GRIN2B: variants seen among roughly 807,000 people sequenced by gnomAD.
GRIN2B encodes glutamate ionotropic receptor NMDA type subunit 2B, also known as glutamate receptor ionotropic, NMDA 2B.
Under a neutral mutation model 114.5 loss-of-function variants are expected in GRIN2B, and 5 were observed. The observed-to-expected ratio is 0.04, with a 90% CI of 0.02 to 0.09. The LOEUF is 0.09. GRIN2B is among the 10% of genes least tolerant of loss of function. The pLI, the probability that GRIN2B is intolerant of heterozygous loss-of-function variation, is 1.00. For missense variants in GRIN2B, 1,108 were observed against 1,943.5 expected (o/e 0.57, Z 8.08); for synonymous variants, 787 against 745.1 (o/e 1.06, Z -0.92).
chr12:13,723,932 C>A (rs1842106927), intron 4 of GRIN2B, among the ~76,000 whole-genome samples: 1 of 152,084 alleles, frequency 6.6e-6, no homozygotes, highest in Non-Finnish European at 1.5e-5. Flanking sequence ...AGACTAAATG[C>A]ATAACCTTGG....
intron 4 of GRIN2B, among the ~76,000 whole-genome samples, chr12:13,728,602 C>T (rs1355368323): frequency 6.6e-6 from 1 of 152,084 alleles, no homozygotes; most frequent in African/African-American, 2.4e-5. Flanking sequence ...GCAATTCACA[C>T]CCTCTTTGTG....
chr12:13,904,807 G>T (rs1866511851), intron 2 of GRIN2B, among the ~76,000 whole-genome samples: 1 of 152,022 alleles, frequency 6.6e-6, no homozygotes, highest in Non-Finnish European at 1.5e-5. Context: ...GAAGTCAGGA[G>T]TTCATCTGCC....
At chr12:13,849,075 C>A (rs1865515563) in intron 3 of GRIN2B, among the ~76,000 whole-genome samples, 1 of 152,134 alleles carries the variant, frequency 6.6e-6, no homozygotes, top group African/African-American at 2.4e-5. Context: ...CCAATTTGTT[C>A]TTGGAGAACA....
At chr12:13,653,407 C>T (rs539393359) in intron 5 of GRIN2B, among the ~76,000 whole-genome samples, 2 of 152,060 alleles carry the variant, frequency 1.3e-5, no homozygotes, top group East Asian at 3.9e-4. Context: ...AAAGGCATTA[C>T]TTTTAGACAG....
intron 3 of GRIN2B, among the ~76,000 whole-genome samples, chr12:13,815,709 T>C (rs1864810012): frequency 1.3e-5 from 2 of 152,228 alleles, no homozygotes; most frequent in Non-Finnish European, 2.9e-5. Context: ...TTGCCTGGTG[T>C]TGCTCATGGA....
chr12:13,875,881 C>G (rs1241603046), intron 2 of GRIN2B, among the ~76,000 whole-genome samples: 1 of 152,116 alleles, frequency 6.6e-6, no homozygotes, highest in Non-Finnish European at 1.5e-5. Flanking sequence ...GGCCAGGGAA[C>G]CTGCTAGGAG....
At chr12:13,909,197 C>T (rs1458226734) in intron 2 of GRIN2B, among the ~76,000 whole-genome samples, 2 of 152,192 alleles carry the variant, frequency 1.3e-5, no homozygotes, top group Non-Finnish European at 2.9e-5. Flanking sequence ...TTACAGAGGG[C>T]TTCATTTAAA....
chr12:13,937,677 G>GA (rs1867153771), intron 2 of GRIN2B, among the ~76,000 whole-genome samples: 1 of 151,980 alleles, frequency 6.6e-6, no homozygotes, highest in African/African-American at 2.4e-5. Flanking sequence ...ACTGAAAATG[G>GA]AAAATAAATG....
chr12:13,553,680 G>A lies in GRIN2B; in HGVS notation c.*9103C>T, dbSNP rs1402192998. The A allele has an allele frequency of 6.6e-6, 1 of 152,190 alleles. No individual in the cohort carries two copies. The highest frequency in any genetic ancestry group is 2.4e-5 in the African/African-American group (1 of 41,448). The allele number at this position is 152,190 out of a possible 1,614,324, so 9.4% of individuals were successfully genotyped here. On this transcript the variant is annotated 3_prime_UTR_variant, in exon 14 of 14. Coordinates refer to ENST00000609686, the MANE Select transcript of GRIN2B (RefSeq NM_000834.5). ...TTTTGGTGCTGAAAGTGTTAAAAAA[G>A]AAGCTAAATATTGGATCACAGATCA...
chr12:13,878,063 CAAAAAAAAAAAAAAAA>C (rs71067735), intron 2 of GRIN2B, among the ~76,000 whole-genome samples: 2 of 73,234 alleles, frequency 2.7e-5, no homozygotes, highest in African/African-American at 5.5e-5. Flanking sequence ...GACTCTGTCT[CAAAAAAAAAAAAAAAA>C]AAAAAAAAAT....
chr12:13,832,986 CA>C (rs1258490507), intron 3 of GRIN2B, among the ~76,000 whole-genome samples: 3 of 152,132 alleles, frequency 2.0e-5, no homozygotes, highest in Non-Finnish European at 2.9e-5. Context: ...ATGAATAAAA[CA>C]TATCATGAAT....
chr12:13,617,311 C>T (rs1427711398), intron 5 of GRIN2B, among the ~76,000 whole-genome samples: 2 of 152,198 alleles, frequency 1.3e-5, no homozygotes, highest in Non-Finnish European at 2.9e-5. Flanking sequence ...ATGTGCACCT[C>T]CTGGGCTGGG....
At chr12:13,942,285 T>C (rs985720174) in intron 2 of GRIN2B, among the ~76,000 whole-genome samples, 2 of 151,556 alleles carry the variant, frequency 1.3e-5, no homozygotes, top group Admixed American at 6.6e-5. Flanking sequence ...AACCCCCTTT[T>C]TCTGTTTATT....
chr12:13,575,670 CAACAATAAT>C (rs1948765929), intron 10 of GRIN2B, among the ~76,000 whole-genome samples: 1 of 129,816 alleles, frequency 7.7e-6, no homozygotes, highest in East Asian at 2.0e-4. Context: ...AAAATGATAA[CAACAATAAT>C]AATAATAATA....
chr12:13,867,170 G>T (rs1267150675), intron 2 of GRIN2B, among the ~76,000 whole-genome samples: 1 of 152,124 alleles, frequency 6.6e-6, no homozygotes, highest in Non-Finnish European at 1.5e-5. Flanking sequence ...TTTGAAAAAT[G>T]TTCCTTTTTT....
intron 2 of GRIN2B, among the ~76,000 whole-genome samples, chr12:13,926,324 T>C (rs1866909933): frequency 6.6e-6 from 1 of 152,222 alleles, no homozygotes; most frequent in African/African-American, 2.4e-5. Context: ...GCTCTTGTTC[T>C]GTACCTTATT....
chr12:13,822,952 C>T (rs1864965514), intron 3 of GRIN2B, among the ~76,000 whole-genome samples: 1 of 151,992 alleles, frequency 6.6e-6, no homozygotes, highest in South Asian at 2.1e-4. Context: ...CCTTCTTTTT[C>T]CATTAAATTA....
chr12:13,949,751 G>A (rs963542974), intron 2 of GRIN2B, among the ~76,000 whole-genome samples: 2 of 152,112 alleles, frequency 1.3e-5, no homozygotes, highest in Non-Finnish European at 2.9e-5. Context: ...GTATATTGAT[G>A]GGCCATGAGA....
intron 3 of GRIN2B, among the ~76,000 whole-genome samples, chr12:13,846,163 A>G (rs942539530): frequency 2.0e-5 from 3 of 152,230 alleles, no homozygotes; most frequent in Non-Finnish European, 2.9e-5. Flanking sequence ...ATTATAAAGC[A>G]AAGATGAGAA....
Sources: gnomAD v4.1 joint callset for allele counts (sites outside exome capture counted in the v4.1 genomes callset) on GRCh38, gnomAD v4.1.1 for gene constraint, MANE v1.5 for transcripts, NCBI Gene and HGNC (gene_info 2026-07-23, HGNC 2026-07-21) for gene names.